The following DGKB variants were observed in gnomAD, a reference collection of about 807,000 sequenced individuals.
The protein encoded by DGKB is diacylglycerol kinase beta, also known as 90 kDa diacylglycerol kinase.
Under a neutral mutation model 114.3 loss-of-function variants are expected in DGKB, and 67 were observed. The ratio of observed to expected loss-of-function variants is 0.59; its 90% CI spans 0.48 to 0.72. The LOEUF (loss-of-function observed/expected upper bound fraction) is 0.72. DGKB is among the 30% of genes least tolerant of loss of function. The pLI, the probability that DGKB is intolerant of heterozygous loss-of-function variation, is 0.00. For synonymous variants in DGKB, 398 were observed against 323.1 expected (o/e 1.23, Z -2.49); for missense variants, 907 against 975.2 (o/e 0.93, Z 0.93).
chr7:14,911,051 T>C (rs897259244), intron 1 of DGKB, among the ~76,000 whole-genome samples: 3 of 152,158 alleles, frequency 2.0e-5, no homozygotes, highest in Admixed American at 1.3e-4. Context: ...AAGAAATAAC[T>C]GTATACAGCC....
intron 20 of DGKB, among the ~76,000 whole-genome samples, chr7:14,479,563 T>G (rs1782687274): frequency 6.6e-6 from 1 of 152,154 alleles, no homozygotes; most frequent in South Asian, 2.1e-4. Context: ...TTTTGTTATA[T>G]ATACATGGCC....
chr7:14,398,032 A>G (rs1274296591), intron 21 of DGKB, among the ~76,000 whole-genome samples: 1 of 152,130 alleles, frequency 6.6e-6, no homozygotes, highest in Non-Finnish European at 1.5e-5. Context: ...CTGAACACTC[A>G]GCATCAATAT....
chr7:14,661,606 A>G (rs1425650334), intron 13 of DGKB, among the ~76,000 whole-genome samples: 3 of 152,040 alleles, frequency 2.0e-5, no homozygotes, highest in African/African-American at 4.8e-5. Flanking sequence ...CACTGCTGGT[A>G]GGACTGTAAA....
chr7:14,360,335 G>C (rs1020726801), intron 21 of DGKB, among the ~76,000 whole-genome samples: 1 of 151,992 alleles, frequency 6.6e-6, no homozygotes, highest in African/African-American at 2.4e-5. Context: ...CTGGGGGAGA[G>C]ATAGCTTTAG....
intron 20 of DGKB, among the ~76,000 whole-genome samples, chr7:14,521,154 C>T (rs139319561): frequency 2.6e-5 from 4 of 152,100 alleles, no homozygotes; most frequent in Admixed American, 6.6e-5. Flanking sequence ...GTAATATTTT[C>T]GTTTAACAAC....
chr7:14,874,861 T>C (rs578174260), intron 1 of DGKB, among the ~76,000 whole-genome samples: 1 of 152,282 alleles, frequency 6.6e-6, no homozygotes, highest in Non-Finnish European at 1.5e-5. Context: ...CATGTAAATA[T>C]TCAAGTTGGT....
At chr7:14,414,090 A>G (rs2128749722) in intron 21 of DGKB, among the ~76,000 whole-genome samples, 1 of 152,338 alleles carries the variant, frequency 6.6e-6, no homozygotes, top group Admixed American at 6.5e-5. Flanking sequence ...AATATTAAAT[A>G]GATTACAGCA....
At chr7:14,502,651 C>T (rs1230427318) in intron 20 of DGKB, among the ~76,000 whole-genome samples, 2 of 151,936 alleles carry the variant, frequency 1.3e-5, no homozygotes, top group Admixed American at 6.6e-5. Flanking sequence ...ATATAGAGAT[C>T]GCAAATTTTG....
chr7:14,444,878 AAT>A (rs761354011), intron 21 of DGKB, among the ~76,000 whole-genome samples: 2 of 151,856 alleles, frequency 1.3e-5, no homozygotes, highest in Non-Finnish European at 3.0e-5. Context: ...AAATATAAAT[AAT>A]ATACTGTCAA....
intron 23 of DGKB, among the ~76,000 whole-genome samples, chr7:14,213,139 G>C (rs920060944): frequency 6.6e-6 from 1 of 151,890 alleles, no homozygotes; most frequent in African/African-American, 2.4e-5. Flanking sequence ...TCTAAAATTT[G>C]ATTTATTCAG....
intron 25 of DGKB, among the ~76,000 whole-genome samples, chr7:14,167,655 A>G (rs974370100): frequency 6.6e-6 from 1 of 152,210 alleles, no homozygotes; most frequent in African/African-American, 2.4e-5. Flanking sequence ...GGGGTATATC[A>G]TCACCAAGTT....
At chr7:14,752,373 C>T (rs1834261141) in intron 4 of DGKB, among the ~76,000 whole-genome samples, 1 of 152,032 alleles carries the variant, frequency 6.6e-6, no homozygotes, top group South Asian at 2.1e-4. Flanking sequence ...AAAGGGTATA[C>T]ACATTAAAAG....
At chr7:14,222,184 T>C (rs2128324946) in intron 23 of DGKB, among the ~76,000 whole-genome samples, 1 of 151,024 alleles carries the variant, frequency 6.6e-6, no homozygotes, top group African/African-American at 2.4e-5. Flanking sequence ...TCCTTCCTTC[T>C]GCTTGCTTCA....
chr7:14,938,981 G>A (rs181071830), intron 1 of DGKB, among the ~76,000 whole-genome samples: 9 of 152,246 alleles, frequency 5.9e-5, no homozygotes, highest in African/African-American at 1.9e-4. Context: ...ACATTACTAT[G>A]AGAATAAAAG....
At chr7:14,211,264 G>A (rs1335389198) in intron 23 of DGKB, among the ~76,000 whole-genome samples, 1 of 143,114 alleles carries the variant, frequency 7.0e-6, no homozygotes, top group Non-Finnish European at 1.5e-5. Context: ...ACTTCCTCAT[G>A]AAGTCTCTTT....
intron 23 of DGKB, among the ~76,000 whole-genome samples, chr7:14,197,956 C>A (rs2128284007): frequency 6.6e-6 from 1 of 152,066 alleles, no homozygotes; most frequent in Non-Finnish European, 1.5e-5. Context: ...ATTGATCTGC[C>A]CAAGGGAAAT....
At chr7:14,960,105 C>CTAACTT (rs2067158) in intron 1 of DGKB, among the ~76,000 whole-genome samples, 17,807 of 152,032 alleles carry the variant, frequency 0.12, 1,362 homozygotes, top group Non-Finnish European at 0.18. Context: ...TTTTGGAAGA[C>CTAACTT]AACTGCGAAG....
chr7:14,623,624 T>G (rs1314780523), intron 14 of DGKB, among the ~76,000 whole-genome samples: 2 of 152,150 alleles, frequency 1.3e-5, no homozygotes, highest in Admixed American at 6.6e-5. Flanking sequence ...AATTCCATGG[T>G]GCAAAAACAC....
chr7:14,342,551 A>T (rs1811779953), intron 22 of DGKB, among the ~76,000 whole-genome samples: 1 of 151,972 alleles, frequency 6.6e-6, no homozygotes, highest in Non-Finnish European at 1.5e-5. Flanking sequence ...GTATCATTAA[A>T]TCTTTACATG....
Sources: allele counts gnomAD v4.1 joint callset (sites outside exome capture counted in the v4.1 genomes callset), GRCh38; gene constraint gnomAD v4.1.1; transcripts MANE v1.5; gene names NCBI Gene and HGNC (gene_info 2026-07-23, HGNC 2026-07-21).